Variants in RBFOX1 observed in about 807,000 individuals in gnomAD.
The protein encoded by RBFOX1 is RNA binding fox-1 homolog 1, also known as RNA binding protein fox-1 homolog 1.
In RBFOX1, 8 loss-of-function variants were observed where a neutral mutation model predicts 57.7. The ratio of observed to expected loss-of-function variants is 0.14; its 90% CI spans 0.08 to 0.25. The LOEUF (loss-of-function observed/expected upper bound fraction) is 0.25. Ranked by LOEUF, RBFOX1 falls within the 10% of genes least tolerant of loss-of-function variation. RBFOX1 has a pLI of 1.00. For synonymous variants in RBFOX1, 326 were observed against 222.4 expected (o/e 1.47, Z -4.15); for missense variants, 611 against 548.5 (o/e 1.11, Z -1.14).
At chr16:6,785,347 C>T (rs1337872948) in intron 3 of RBFOX1, among the ~76,000 whole-genome samples, 1 of 152,094 alleles carries the variant, frequency 6.6e-6, no homozygotes, top group South Asian at 2.1e-4. Flanking sequence ...AGCAAATTTC[C>T]CAGTTGCCCT....
At chr16:7,653,110 C>T (rs564482410) in intron 11 of RBFOX1, among the ~76,000 whole-genome samples, 3 of 152,310 alleles carry the variant, frequency 2.0e-5, no homozygotes, top group Non-Finnish European at 4.4e-5. Context: ...CATGCATATA[C>T]ACATATGTGT....
intron 3 of RBFOX1, among the ~76,000 whole-genome samples, chr16:6,964,769 ACTT>A (rs1237406196): frequency 6.6e-6 from 1 of 152,126 alleles, no homozygotes; most frequent in Non-Finnish European, 1.5e-5. Flanking sequence ...GCCTTTAAGA[ACTT>A]CTCAGCAGGG....
intron 3 of RBFOX1, among the ~76,000 whole-genome samples, chr16:5,726,977 G>A (rs1422232947): frequency 6.6e-6 from 1 of 152,188 alleles, no homozygotes; most frequent in African/African-American, 2.4e-5. Flanking sequence ...TCGATGTGAA[G>A]GCCGGGCATG....
chr16:7,110,371 G>C (rs2064487547), intron 4 of RBFOX1, among the ~76,000 whole-genome samples: 1 of 149,050 alleles, frequency 6.7e-6, no homozygotes, highest in Admixed American at 6.7e-5. Flanking sequence ...TTAAAAAAAA[G>C]ATCGTTCCCA....
intron 3 of RBFOX1, among the ~76,000 whole-genome samples, chr16:6,655,991 C>G (rs1449602338): frequency 6.6e-6 from 1 of 152,182 alleles, no homozygotes; most frequent in African/African-American, 2.4e-5. Context: ...ACAGTAAGTT[C>G]AATTCAATCT....
chr16:6,413,024 T>TA (rs1167269401), intron 2 of RBFOX1, among the ~76,000 whole-genome samples: 4 of 152,128 alleles, frequency 2.6e-5, no homozygotes, highest in Non-Finnish European at 5.9e-5. Context: ...CAGCTATTTT[T>TA]AAAAAAAATT....
intron 4 of RBFOX1, among the ~76,000 whole-genome samples, chr16:7,406,142 A>G (rs2098336524): frequency 6.6e-6 from 1 of 152,206 alleles, no homozygotes; most frequent in Non-Finnish European, 1.5e-5. Context: ...AACACAGAGT[A>G]CAATCTTTGA....
chr16:6,909,654 G>C (rs768239744), intron 3 of RBFOX1, among the ~76,000 whole-genome samples: 2 of 152,214 alleles, frequency 1.3e-5, no homozygotes, highest in Non-Finnish European at 2.9e-5. Context: ...AAATTATCAA[G>C]TGAGGATAGA....
intron 4 of RBFOX1, among the ~76,000 whole-genome samples, chr16:7,284,934 C>T (rs899517586): frequency 6.6e-6 from 1 of 152,102 alleles, no homozygotes. Context: ...ACACTGTTTC[C>T]TTTTCTGGAA....
chr16:5,366,646 C>T, intron 1 of RBFOX1: 1 of 429,394 alleles, frequency 2.3e-6, no homozygotes, highest in Non-Finnish European at 4.4e-6. Flanking sequence ...GATGACTGAC[C>T]AGGAGGCTAT....
intron 3 of RBFOX1, among the ~76,000 whole-genome samples, chr16:5,679,831 T>TA (rs1170565295): frequency 6.6e-6 from 1 of 152,224 alleles, no homozygotes; most frequent in Non-Finnish European, 1.5e-5. Context: ...CCTTTATAAT[T>TA]AACTTAAGGG....
intron 5 of RBFOX1, among the ~76,000 whole-genome samples, chr16:7,525,423 C>T (rs1188702377): frequency 1.3e-5 from 2 of 152,118 alleles, no homozygotes; most frequent in Non-Finnish European, 2.9e-5. Context: ...ACAAAGATTG[C>T]TCTCCATCTC....
rs139651125 is a variant in RBFOX1, at chr16:7,431,057, A to G, written c.28-87090A>G. 4.5e-3 allele frequency among the ~76,000 whole-genome samples: 682 copies of G among 152,310 alleles called. 5 individuals carry two copies. Among genetic ancestry groups the G allele is most frequent in the African/African-American group, 0.016 (654 of 41,572 alleles). On this transcript the variant is annotated intron_variant, in intron 4 of 15. Transcript: ENST00000550418. ...GCCCACCCTGGTCCTCTGGCTTTCT[A>G]CTAAGGCACAGGCAGCACCAGCTTT...
At chr16:6,814,834 A>G (rs1005514350) in intron 3 of RBFOX1, among the ~76,000 whole-genome samples, 6 of 152,128 alleles carry the variant, frequency 3.9e-5, no homozygotes, top group African/African-American at 1.4e-4. Context: ...GTTTCTGGAA[A>G]GGGGTCCTGA....
chr16:6,847,020 A>G (rs2093794036), intron 3 of RBFOX1, among the ~76,000 whole-genome samples: 1 of 152,072 alleles, frequency 6.6e-6, no homozygotes, highest in Non-Finnish European at 1.5e-5. Flanking sequence ...GGAAGGTGTT[A>G]AATCCCACAG....
At chr16:5,398,567 C>CGTGT (rs141831881) in intron 1 of RBFOX1, among the ~76,000 whole-genome samples, 17 of 148,798 alleles carry the variant, frequency 1.1e-4, no homozygotes, top group Admixed American at 2.7e-4. Context: ...TGCATCTGTA[C>CGTGT]GTGTGTGTGT....
At chr16:5,655,629 C>A (rs1386485888) in intron 3 of RBFOX1, among the ~76,000 whole-genome samples, 1 of 152,146 alleles carries the variant, frequency 6.6e-6, no homozygotes, top group African/African-American at 2.4e-5. Context: ...GCAGAGTGCC[C>A]TGTGTGTCTT....
chr16:6,023,945 G>C, intron 1 of RBFOX1, among the ~76,000 whole-genome samples: 1 of 152,182 alleles, frequency 6.6e-6, no homozygotes, highest in East Asian at 1.9e-4. Flanking sequence ...TTCAAAACAA[G>C]GGGATCTAGC....
At position 5,884,372 on chromosome 16, in the gene RBFOX1, C is replaced by G. The variant is rs148817892; in HGVS notation, c.351+17037C>G. ...GTCTGGCTTCCCAGACTAATTTCAG[C>G]TCTGTAGGGCTTTGCCTGGTGCCTA... On this transcript the variant is annotated intron_variant, in intron 4 of 19. Coordinates refer to the RBFOX1 transcript ENST00000641259. 8.9e-3 allele frequency among the ~76,000 whole-genome samples: 1,350 copies of G among 152,184 alleles called. 10 individuals are homozygous for G. Among genetic ancestry groups the G allele is most frequent in the Middle Eastern group, 0.034 (10 of 294 alleles).
Sources: gnomAD v4.1 joint callset for allele counts (sites outside exome capture counted in the v4.1 genomes callset) on GRCh38, gnomAD v4.1.1 for gene constraint, MANE v1.5 for transcripts, NCBI Gene and HGNC (gene_info 2026-07-23, HGNC 2026-07-21) for gene names.